DCC: variants seen among roughly 807,000 people sequenced by gnomAD.
DCC encodes netrin receptor DCC.
A neutral mutation model predicts 172.5 loss-of-function variants in DCC; 58 were observed. That is an observed-to-expected ratio of 0.34 (90% CI 0.27 to 0.42). The LOEUF (loss-of-function observed/expected upper bound fraction) is 0.42. Among genes scored for constraint, DCC ranks in the 10% least tolerant of loss-of-function variants. DCC has a pLI of 1.00. For synonymous variants in DCC, 709 were observed against 644.5 expected (o/e 1.10, Z -1.52); for missense variants, 1,740 against 1,791.0 (o/e 0.97, Z 0.51).
chr18:53,439,543 T>A (rs919869639), intron 22 of DCC, among the ~76,000 whole-genome samples: 1 of 152,222 alleles, frequency 6.6e-6, no homozygotes, highest in Non-Finnish European at 1.5e-5. Context: ...CTCAAGCCAG[T>A]TGCAAATAAA....
chr18:52,879,412 C>CTTTTTTTTTATTTTT (rs2039448716), intron 2 of DCC, among the ~76,000 whole-genome samples: 1 of 62,356 alleles, frequency 1.6e-5, no homozygotes, highest in Non-Finnish European at 2.9e-5. Context: ...TGTTGTTTGG[C>CTTTTTTTTTATTTTT]TTTTTTTTTT....
At chr18:53,514,722 A>G (rs1440313290) in intron 27 of DCC, among the ~76,000 whole-genome samples, 2 of 113,710 alleles carry the variant, frequency 1.8e-5, no homozygotes, top group Non-Finnish European at 3.7e-5. Context: ...ATTCCTCAAC[A>G]CATACACTCT....
chr18:53,413,234 T>C (rs140744621), intron 20 of DCC, among the ~76,000 whole-genome samples: 21 of 152,248 alleles, frequency 1.4e-4, no homozygotes, highest in Non-Finnish European at 2.4e-4. Flanking sequence ...GAAAGCCCAA[T>C]AGAGTACAGT....
intron 1 of DCC, among the ~76,000 whole-genome samples, chr18:52,399,685 T>C (rs1986363684): frequency 6.6e-6 from 1 of 152,028 alleles, no homozygotes; most frequent in African/African-American, 2.4e-5. Context: ...CAGAGGTATT[T>C]GTTCTCACTT....
chr18:53,234,422 T>C (rs890521248), intron 12 of DCC, among the ~76,000 whole-genome samples: 30 of 151,730 alleles, frequency 2.0e-4, no homozygotes, highest in Admixed American at 1.6e-3. Context: ...AGTAAGACCC[T>C]GTCTCAAATT....
At chr18:53,108,294 T>A (rs2043279919) in intron 7 of DCC, among the ~76,000 whole-genome samples, 2 of 151,880 alleles carry the variant, frequency 1.3e-5, no homozygotes, top group South Asian at 4.1e-4. Flanking sequence ...TTCTAATTGC[T>A]TGCCTATGTT....
intron 11 of DCC, among the ~76,000 whole-genome samples, chr18:53,212,497 T>G (rs943089397): frequency 6.6e-6 from 1 of 152,152 alleles, no homozygotes; most frequent in African/African-American, 2.4e-5. Flanking sequence ...CTAAAAATAC[T>G]GTAGAAAAAA....
chr18:52,764,149 C>T (rs928683357), intron 2 of DCC, among the ~76,000 whole-genome samples: 7 of 152,188 alleles, frequency 4.6e-5, no homozygotes, highest in African/African-American at 1.2e-4. Context: ...TGGACCTAAA[C>T]ATTGTAAGCC....
At chr18:53,323,284 T>A (rs2057432327) in intron 14 of DCC, among the ~76,000 whole-genome samples, 1 of 152,148 alleles carries the variant, frequency 6.6e-6, no homozygotes, top group Non-Finnish European at 1.5e-5. Flanking sequence ...CTTTTTCTCT[T>A]TTTGAATACC....
Position 53,533,765 on chromosome 18 carries a change from T to C in DCC, c.*3112T>C, listed in dbSNP as rs550562200. 6.0e-4 allele frequency: 91 copies of C among 152,192 alleles called. No homozygotes were observed. The highest frequency in any genetic ancestry group is 1.1e-3 in the Non-Finnish European group (72 of 68,030). 9.4% of individuals were successfully genotyped at this position (152,192 alleles called of 1,614,324 possible). On this transcript the variant is annotated 3_prime_UTR_variant, in exon 29 of 29. Transcript: ENST00000442544. ...ATTATAAAATGCATACTCAATTGAATGAGCTGAAAAAAATACCAAGCCAGT... is the reference window on the plus strand; with the variant it reads ...ATTATAAAATGCATACTCAATTGAACGAGCTGAAAAAAATACCAAGCCAGT...
rs182378387 is a variant in DCC at position 52,372,965 on chromosome 18, G to C, written c.91+32087G>C. Among the ~76,000 whole-genome samples, 267 of 152,306 alleles carry C rather than the reference G, an allele frequency of 1.8e-3. 1 individual carries two copies. Among genetic ancestry groups the C allele is most frequent in the African/African-American group, 5.9e-3 (244 of 41,572 alleles). On this transcript the variant is annotated intron_variant, in intron 1 of 28. Transcript: ENST00000442544. The stretch of plus-strand genomic sequence containing the variant: ...AACCTGTCCTTGACACCATTATCTT[G>C]TTAGGGATGCAGGAGCCTCTATTCC...
chr18:52,908,546 A>G (rs188126398), intron 3 of DCC, among the ~76,000 whole-genome samples: 1 of 152,278 alleles, frequency 6.6e-6, no homozygotes, highest in Non-Finnish European at 1.5e-5. Context: ...TGACAGGAAA[A>G]TCTGTTTTCC....
intron 7 of DCC, among the ~76,000 whole-genome samples, chr18:53,102,383 A>G (rs777957973): frequency 3.9e-5 from 6 of 152,102 alleles, no homozygotes; most frequent in African/African-American, 1.4e-4. Flanking sequence ...ATAAGTGATC[A>G]TTCCGTGTGT....
At chr18:53,124,312 A>G (rs772032678) in intron 7 of DCC, among the ~76,000 whole-genome samples, 13 of 152,076 alleles carry the variant, frequency 8.5e-5, no homozygotes, top group Non-Finnish European at 1.5e-4. Context: ...AATATTTAAT[A>G]TTTTTAAGAA....
intron 27 of DCC, among the ~76,000 whole-genome samples, chr18:53,523,148 A>G (rs1030950559): frequency 3.3e-5 from 5 of 152,248 alleles, no homozygotes; most frequent in African/African-American, 1.2e-4. Flanking sequence ...TTATGCAGCC[A>G]ACAAACATGA....
rs552197350 is a variant in DCC, at chr18:52,718,937, C to G, written c.92-33117C>G. Among the ~76,000 whole-genome samples the G allele has an allele frequency of 3.9e-5, 6 of 152,306 alleles. No individual in the cohort carries two copies. The South Asian group carries it at 8.3e-4, about 21-fold the overall frequency. On this transcript the variant is annotated intron_variant, in intron 1 of 28. Transcript: ENST00000442544. The stretch of plus-strand genomic sequence containing the variant: ...GCTTAAAACAAGAGAAATGTATTCT[C>G]TCACAGCTGTGGAGACCTCAAGTGT...
intron 19 of DCC, among the ~76,000 whole-genome samples, chr18:53,404,480 C>G (rs1011684695): frequency 4.0e-5 from 6 of 151,782 alleles, no homozygotes; most frequent in African/African-American, 1.5e-4. Flanking sequence ...ACCTGTAATC[C>G]CAGAACTTTG....
intron 3 of DCC, among the ~76,000 whole-genome samples, chr18:52,921,267 C>T (rs542649850): frequency 6.6e-6 from 1 of 152,278 alleles, no homozygotes; most frequent in South Asian, 2.1e-4. Flanking sequence ...AACTGCATTG[C>T]AAGGGATGGG....
At chr18:52,949,109 T>G (rs2040595412) in intron 5 of DCC, among the ~76,000 whole-genome samples, 1 of 152,308 alleles carries the variant, frequency 6.6e-6, no homozygotes, top group East Asian at 1.9e-4. Flanking sequence ...AAACTGTGAT[T>G]AATAGTCCCT....
Sources: gnomAD v4.1 joint callset for allele counts (sites outside exome capture counted in the v4.1 genomes callset) on GRCh38, gnomAD v4.1.1 for gene constraint, MANE v1.5 for transcripts, NCBI Gene and HGNC (gene_info 2026-07-23, HGNC 2026-07-21) for gene names.